The following C6orf132 variants were observed in gnomAD, a reference collection of about 807,000 sequenced individuals.
The protein encoded by C6orf132 is uncharacterized protein C6orf132.
A neutral mutation model predicts 65.3 loss-of-function variants in C6orf132; 43 were observed. The observed-to-expected ratio is 0.66, with a 90% CI of 0.52 to 0.85. The LOEUF (loss-of-function observed/expected upper bound fraction) is 0.85, where lower values mean the gene tolerates loss of function less well. Ranked by LOEUF, C6orf132 falls within the 40% of genes least tolerant of loss-of-function variation. C6orf132 has a pLI of 0.00. For missense variants in C6orf132, 1,488 were observed against 1,548.8 expected (o/e 0.96, Z 0.66); for synonymous variants, 631 against 654.1 (o/e 0.96, Z 0.54).
chr6:42,125,950 C>T (rs992411312), intron 2 of C6orf132, among the ~76,000 whole-genome samples: 1 of 152,022 alleles, frequency 6.6e-6, no homozygotes. Context: ...ACGAACTCAG[C>T]TGGGCCCACA....
At chr6:42,112,809 TG>T (rs1766514576) in intron 2 of C6orf132, among the ~76,000 whole-genome samples, 1 of 152,204 alleles carries the variant, frequency 6.6e-6, no homozygotes, top group Non-Finnish European at 1.5e-5. Flanking sequence ...ACTAACCCTC[TG>T]GACTTAATAT....
chr6:42,105,521 T>G lies in C6orf132; in HGVS notation c.2391A>C (p.Pro797=), dbSNP rs1338990057. The part of the protein sequence containing the change: ...PTLARGGAAG[P]GEPVEVKEPP... ...GCTCCTTCACCTCCACGGGCTCCCC[T>G]GGCCCTGCAGCCCCTCCTCTGGCCA... The change falls in exon 4 of 5, where the codon CCA becomes CCC. Residue 797 remains proline (P), a synonymous_variant. Coordinates refer to ENST00000341865, the MANE Select transcript of C6orf132 (RefSeq NM_001164446.3). The G allele has an allele frequency of 6.5e-7, 1 of 1,533,760 alleles. No individual in the cohort carries two copies. The highest frequency in any genetic ancestry group is 2.0e-5 in the Admixed American group (1 of 50,972).
rs540183471 is a variant in C6orf132, at chr6:42,128,215, G to A, written c.252+457C>T. On this transcript the variant is annotated intron_variant, in intron 2 of 4. Coordinates refer to ENST00000341865, the MANE Select transcript of C6orf132 (RefSeq NM_001164446.3). Reference sequence around the variant, plus strand: ...GCTGGGATTACAGGCGTGAGCCACCGCACTGGCCACAATGACACTCTTTTG... The same window carrying A: ...GCTGGGATTACAGGCGTGAGCCACCACACTGGCCACAATGACACTCTTTTG... 5.5e-4 allele frequency among the ~76,000 whole-genome samples: 84 copies of A among 151,790 alleles called. No homozygotes were observed. The South Asian group carries it at 6.9e-3, about 12-fold the overall frequency.
In C6orf132 at chr6:42,104,200, T is replaced by G. The variant is rs1276753013; in HGVS notation, c.3449+263A>C. Among the ~76,000 whole-genome samples the G allele has an allele frequency of 6.6e-6, 1 of 152,142 alleles. No homozygotes were observed. Among genetic ancestry groups the G allele is most frequent in the Non-Finnish European group, 1.5e-5 (1 of 68,000 alleles). ...ACTCAGATCTCTCCCCGCCCCACAC[T>G]TAGCCTGACCTCTGGGATCTAGCGG... On this transcript the variant is annotated intron_variant, in intron 4 of 4. Transcript: ENST00000341865. This position sits in a 1 kb window ranked among gnomAD's most constrained non-coding sequence, Gnocchi z 4.1.
chr6:42,135,214 C>G (rs1766920620), intron 1 of C6orf132, among the ~76,000 whole-genome samples: 1 of 152,228 alleles, frequency 6.6e-6, no homozygotes, highest in South Asian at 2.1e-4. Context: ...CGGGTTCACT[C>G]TGAGTCCTGA....
intron 3 of C6orf132, among the ~76,000 whole-genome samples, chr6:42,109,066 A>G (rs929278800): frequency 6.6e-6 from 1 of 152,194 alleles, no homozygotes; most frequent in Non-Finnish European, 1.5e-5. Flanking sequence ...GTGTGAGTAC[A>G]TTATTATCAC....
intron 2 of C6orf132, among the ~76,000 whole-genome samples, chr6:42,121,153 T>C (rs1439385685): frequency 2.0e-5 from 3 of 152,162 alleles, no homozygotes; most frequent in African/African-American, 7.2e-5. Context: ...CAGAGGCCAC[T>C]GCACACCTTA....
chr6:42,120,539 C>G (rs2127476693), intron 2 of C6orf132, among the ~76,000 whole-genome samples: 1 of 152,026 alleles, frequency 6.6e-6, no homozygotes, highest in South Asian at 2.1e-4. Context: ...AGCCACCGTG[C>G]CCGGCCTGAG....
chr6:42,119,239 ACT>A (rs1310785521), intron 2 of C6orf132, among the ~76,000 whole-genome samples: 1 of 89,012 alleles, frequency 1.1e-5, no homozygotes, highest in Non-Finnish European at 2.1e-5. Context: ...CAAGAGCAAG[ACT>A]CTGTCTCAAA....
intron 3 of C6orf132, 108 bp from the exon 4 acceptor site, chr6:42,107,691 G>A: frequency 1.5e-6 from 2 of 1,327,356 alleles, no homozygotes; most frequent in Non-Finnish European, 2.1e-6. Flanking sequence ...GAGAATGACT[G>A]GATCATTTTC....
intron 1 of C6orf132, among the ~76,000 whole-genome samples, chr6:42,137,725 C>G (rs1476443744): frequency 6.6e-6 from 1 of 151,738 alleles, no homozygotes; most frequent in Non-Finnish European, 1.5e-5. Flanking sequence ...AAAACAATTC[C>G]CCTGGAGCTG....
chr6:42,132,369 G>T (rs1766867213), intron 1 of C6orf132, among the ~76,000 whole-genome samples: 1 of 150,914 alleles, frequency 6.6e-6, no homozygotes, highest in African/African-American at 2.4e-5. Flanking sequence ...CAAAAAATTT[G>T]CTGGGTGTGG....
At chr6:42,137,635 G>A (rs1258585948) in intron 1 of C6orf132, among the ~76,000 whole-genome samples, 1 of 152,116 alleles carries the variant, frequency 6.6e-6, no homozygotes, top group Non-Finnish European at 1.5e-5. Flanking sequence ...CATGTGCCCT[G>A]CAGGGAGTCC....
intron 2 of C6orf132, among the ~76,000 whole-genome samples, chr6:42,121,335 A>C (rs6941062): frequency 1 from 151,668 of 152,330 alleles, 75,505 homozygotes; most frequent in Middle Eastern, 1. Flanking sequence ...CTATTGCCCT[A>C]TTGACTGCTA....
chr6:42,129,211 G>A (rs1167440457), intron 1 of C6orf132, among the ~76,000 whole-genome samples: 2 of 152,234 alleles, frequency 1.3e-5, no homozygotes, highest in Non-Finnish European at 2.9e-5. Flanking sequence ...ATGCAGAGCA[G>A]ATGAGGCCAC....
chr6:42,139,425 T>C (rs1418651044), intron 1 of C6orf132, among the ~76,000 whole-genome samples: 1 of 152,228 alleles, frequency 6.6e-6, no homozygotes, highest in Non-Finnish European at 1.5e-5. Flanking sequence ...ACTTTTTCTG[T>C]ACAGGGCCAG....
chr6:42,126,854 A>AG, intron 2 of C6orf132: 1 of 457,996 alleles, frequency 2.2e-6, no homozygotes, highest in Non-Finnish European at 3.9e-6. Context: ...CTGCAAAAAA[A>AG]AAAAAAAAGA....
At chr6:42,121,223 T>G (rs1385554621) in intron 2 of C6orf132, among the ~76,000 whole-genome samples, 1 of 152,170 alleles carries the variant, frequency 6.6e-6, no homozygotes, top group African/African-American at 2.4e-5. Flanking sequence ...AATCAAGGAC[T>G]TGGGCCACTG....
intron 2 of C6orf132, among the ~76,000 whole-genome samples, chr6:42,123,992 G>A (rs1213323478): frequency 6.6e-6 from 1 of 152,210 alleles, no homozygotes; most frequent in African/African-American, 2.4e-5. Flanking sequence ...GGCTTCTCCG[G>A]TGGCCCTCCA....
Sources: gnomAD v4.1 joint callset for allele counts (sites outside exome capture counted in the v4.1 genomes callset) on GRCh38, gnomAD v4.1.1 for gene constraint, Gnocchi (gnomAD v3.1) non-coding constraint, MANE v1.5 for transcripts, NCBI Gene and HGNC (gene_info 2026-07-23, HGNC 2026-07-21) for gene names.